MPG: variants seen among roughly 807,000 people sequenced by gnomAD.
MPG encodes DNA-3-methyladenine glycosylase.
A neutral mutation model predicts 31.7 loss-of-function variants in MPG; 33 were observed. The observed-to-expected ratio is 1.04, with a 90% CI of 0.79 to 1.39. MPG has a LOEUF of 1.39. MPG is among the 40% of genes most tolerant of loss of function. The probability of loss-of-function intolerance (pLI) is 0.00; values close to 1 mark genes in which losing one functional copy is unlikely to be tolerated. For synonymous variants in MPG, 202 were observed against 169.2 expected (o/e 1.19, Z -1.51); for missense variants, 455 against 415.5 (o/e 1.10, Z -0.83).
rs1334215871 is a variant in MPG, at chr16:85,491, C to G, written c.596C>G (p.Thr199Ser). The part of the protein sequence containing the change: ...RQLRSTLRKG[T>S]ASRVLKDREL... ...CTTCGCAGCACCCTCCGGAAAGGCA[C>G]CGCCAGCCGTGTCCTCAAGGACCGC... Residue 199 changes from threonine (T) to serine (S), a missense_variant, in exon 4 of 4, where the codon ACC (threonine) becomes AGC (serine). By Grantham distance (58) the Thr-to-Ser change is moderately conservative. Transcript: ENST00000356432. 1.2e-6 allele frequency: 2 copies of G among 1,613,128 alleles called. No individual in the cohort carries two copies. Among genetic ancestry groups the G allele is most frequent in the African/African-American group, 2.7e-5 (2 of 74,948 alleles).
At chr16:79,925 G>A in intron 2 of MPG, 1 of 611,820 alleles carries the variant, frequency 1.6e-6, no homozygotes, top group Non-Finnish European at 2.8e-6. Context: ...GGGTGGAGCA[G>A]GGGTGCCACT....
intron 2 of MPG, 64 bp from the exon 3 acceptor site, chr16:82,988 G>A (rs1898292484): frequency 4.2e-6 from 6 of 1,419,858 alleles, no homozygotes; most frequent in East Asian, 2.3e-5. Context: ...GTCCAGGCTG[G>A]GCACTGTTAG....
In MPG at chr16:83,057, A is replaced by T; in HGVS notation, c.306A>T (p.Leu102=). The change falls in exon 3 of 4, where the codon CTA becomes CTT. Residue 102 remains leucine, a synonymous_variant. Coordinates refer to ENST00000356432, the MANE Select transcript of MPG (RefSeq NM_001015052.3). ...PLARAFLGQV[L]VRRLPNGTEL... ...CAGAAACTGACTGCCCACAGGTCCT[A>T]GTCCGGCGACTTCCTAATGGCACAG... 1 of 1,598,946 alleles carries T rather than the reference A, an allele frequency of 6.3e-7. No homozygotes were observed. Among genetic ancestry groups the T allele is most frequent in the Non-Finnish European group, 8.5e-7 (1 of 1,171,064 alleles).
At chr16:83,706 A>G (rs1024668617) in intron 3 of MPG, among the ~76,000 whole-genome samples, 3 of 148,810 alleles carry the variant, frequency 2.0e-5, no homozygotes, top group Non-Finnish European at 4.4e-5. Flanking sequence ...GCGCCATTGC[A>G]CTCCAGCCTG....
chr16:83,396 G>A (rs1447175492), intron 3 of MPG, 140 bp downstream of exon 3: 4 of 874,518 alleles, frequency 4.6e-6, no homozygotes. Context: ...AGGGTTTCGG[G>A]AGCTCTGGCT....
rs910903651 is a variant in MPG at position 79,495 on chromosome 16, C to T, written c.95C>T (p.Ala32Val). The T allele has an allele frequency of 2.5e-6, 4 of 1,612,606 alleles. No homozygotes were observed. In the African/African-American group the frequency reaches 5.3e-5, roughly 22 times the overall value. The change falls in exon 2 of 4, where the codon GCA becomes GTA. Residue 32 changes from alanine (A) to valine (V), a missense_variant. Coordinates refer to ENST00000356432, the MANE Select transcript of MPG (RefSeq NM_001015052.3). Reference protein sequence around the residue: ...RAGQPHSSSDAAQAPAEQPHS... With the variant: ...RAGQPHSSSDVAQAPAEQPHS... ...GGGCAGCCACACAGCTCGTCCGACG[C>T]AGCCCAGGCACCTGCAGAGCAGCCA...
At chr16:84,583 G>A (rs1898363467) in intron 3 of MPG, 1 of 152,488 alleles carries the variant, frequency 6.6e-6, no homozygotes, top group African/African-American at 2.4e-5. Flanking sequence ...GAATCCAAGG[G>A]GCCTTTCCAA....
Position 83,243 on chromosome 16 carries a change from C to T in MPG, c.492C>T (p.Asn164=), listed in dbSNP as rs752649891. 7 of 1,611,708 alleles carry T rather than the reference C, an allele frequency of 4.3e-6. No individual in the cohort carries two copies. The highest frequency in any genetic ancestry group is 5.9e-6 in the Non-Finnish European group (7 of 1,179,026). Residue 164 remains asparagine, a synonymous_variant, in exon 3 of 4, where the codon AAC becomes AAT. Transcript: ENST00000356432. ...YIIYGMYFCM[N]ISSQGDGACV... ...TTTACGGCATGTACTTCTGCATGAA[C>T]ATCTCCAGCCAGGGTGAGCAGTGCT...
chr16:81,445 T>A (rs1299576451), intron 2 of MPG, among the ~76,000 whole-genome samples: 1 of 152,180 alleles, frequency 6.6e-6, no homozygotes, highest in Non-Finnish European at 1.5e-5. Flanking sequence ...GCATTCCCTC[T>A]AAGCTCCAGG....
Position 82,178 on chromosome 16 carries a change from GCCCTCCT to G in MPG, c.301-873_301-867del, listed in dbSNP as rs1352477671. Among the ~76,000 whole-genome samples the G allele has an allele frequency of 1.5e-4, 17 of 111,198 alleles. 6 individuals carry two copies. In the East Asian group the frequency reaches 2.2e-3, roughly 15 times the overall value. The allele number at this position is 111,198 out of a possible 152,430, so 73.0% of individuals were successfully genotyped here. On this transcript the variant is annotated intron_variant, in intron 2 of 3. Coordinates refer to ENST00000356432, the MANE Select transcript of MPG (RefSeq NM_001015052.3). ...CTTCCCACCACCCTATCTCCGGGAA[GCCCTCCT>G]GAATGCTCCCCGCGCTGACCCCTTC...
intron 3 of MPG, among the ~76,000 whole-genome samples, chr16:83,788 G>A (rs1898328811): frequency 6.6e-6 from 1 of 151,988 alleles, no homozygotes; most frequent in Admixed American, 6.6e-5. Flanking sequence ...TTGGAGTGGA[G>A]GCAGAAAGAA....
intron 1 of MPG, chr16:79,126 A>G: frequency 6.7e-7 from 1 of 1,484,470 alleles, no homozygotes; most frequent in Non-Finnish European, 9.0e-7. Context: ...TCAGGCCCCC[A>G]TCTGCTCCCC....
At chr16:84,097 G>C (rs1898343812) in intron 3 of MPG, among the ~76,000 whole-genome samples, 1 of 152,154 alleles carries the variant, frequency 6.6e-6, no homozygotes, top group South Asian at 2.1e-4. Flanking sequence ...TGACTCATTT[G>C]CAGGCGGCTC....
In MPG at chr16:85,662, G is replaced by A. The variant is rs774213821; in HGVS notation, c.767G>A (p.Arg256Gln). 1.7e-5 allele frequency: 27 copies of A among 1,584,064 alleles called. No homozygotes were observed. The highest frequency in any genetic ancestry group is 1.6e-4 in the South Asian group (14 of 88,712). Residue 256 changes from arginine to glutamine, a missense_variant, in exon 4 of 4, where the codon CGG (arginine) becomes CAG (glutamine). Coordinates refer to ENST00000356432, the MANE Select transcript of MPG (RefSeq NM_001015052.3). The part of the protein sequence containing the change: ...PSEPAVVAAA[R>Q]VGVGHAGEWA... Reference sequence around the variant, plus strand: ...GAGCCGGCTGTAGTGGCAGCAGCCCGGGTGGGCGTCGGCCATGCAGGGGAG... The same window carrying A: ...GAGCCGGCTGTAGTGGCAGCAGCCCAGGTGGGCGTCGGCCATGCAGGGGAG...
At chr16:77,715 G>A (rs535534367), upstream of MPG, among the ~76,000 whole-genome samples, 18 of 152,294 alleles carry the variant, frequency 1.2e-4, no homozygotes, top group East Asian at 2.1e-3. Flanking sequence ...CTCCGCACAA[G>A]CCTGGCGTCC....
chr16:82,525 A>G (rs1367394297), intron 2 of MPG, among the ~76,000 whole-genome samples: 1 of 152,006 alleles, frequency 6.6e-6, no homozygotes, highest in Admixed American at 6.6e-5. Context: ...ACTGCTCAGA[A>G]AGCCGGAGGG....
At chr16:80,715 A>G (rs963870516) in intron 2 of MPG, among the ~76,000 whole-genome samples, 1 of 152,174 alleles carries the variant, frequency 6.6e-6, no homozygotes, top group Admixed American at 6.5e-5. Context: ...AGGCTGAGGC[A>G]GGAGAATCAC....
In MPG at chr16:79,406, AT is replaced by A. The variant is rs1555437691; in HGVS notation, c.25-11del. The A allele has an allele frequency of 2.5e-6, 4 of 1,613,166 alleles. No individual in the cohort carries two copies. Among genetic ancestry groups the A allele is most frequent in the Middle Eastern group, 1.7e-4 (1 of 6,060 alleles). On this transcript the variant is annotated intron_variant, in intron 1 of 3. Coordinates refer to ENST00000356432, the MANE Select transcript of MPG (RefSeq NM_001015052.3). ...CTGTCTCCTATTCGGATGCTTATTT[AT>A]TTTTTTTCCCATTACAGTTTTGCCG...
chr16:82,495 ACCGTGGGGCAGCTGGG>A (rs1898277641), intron 2 of MPG, among the ~76,000 whole-genome samples: 1 of 151,860 alleles, frequency 6.6e-6, no homozygotes, highest in South Asian at 2.1e-4. Flanking sequence ...AGGCTGGGGC[ACCGTGGGGCAGCTGGG>A]CCTACTGCTC....
Sources: allele counts gnomAD v4.1 joint callset (sites outside exome capture counted in the v4.1 genomes callset), GRCh38; gene constraint gnomAD v4.1.1; transcripts MANE v1.5; gene names NCBI Gene and HGNC (gene_info 2026-07-23, HGNC 2026-07-21).